Variants in ATRNL1 observed in about 807,000 individuals in gnomAD.
The protein encoded by ATRNL1 is attractin like 1.
ATRNL1 carries 95 observed loss-of-function variants against 182.7 expected under a neutral mutation model. That is an observed-to-expected ratio of 0.52 (90% confidence interval 0.44 to 0.62). The LOEUF is 0.62. Among genes scored for constraint, ATRNL1 ranks in the 20% least tolerant of loss-of-function variants. The pLI is 0.00. For missense variants in ATRNL1, 1,471 were observed against 1,679.5 expected, an observed-to-expected ratio of 0.88 and a Z score of 2.17; for synonymous variants, 576 against 568.3, an observed-to-expected ratio of 1.01 and a Z score of -0.19.
At chr10:115,392,307 C>T (rs1366786746) in intron 19 of ATRNL1, among the ~76,000 whole-genome samples, 2 of 151,996 alleles carry the variant, frequency 1.3e-5, no homozygotes, top group African/African-American at 4.8e-5. Context: ...CAGTAGTTTT[C>T]TCTGTCACTG....
intron 28 of ATRNL1, among the ~76,000 whole-genome samples, chr10:115,875,400 C>A (rs1003093591): frequency 1.3e-5 from 2 of 151,992 alleles, no homozygotes; most frequent in African/African-American, 4.8e-5. Context: ...GAGGGACTGG[C>A]CAGATCAGAT....
At chr10:115,176,080 A>T (rs923637600) in intron 8 of ATRNL1, among the ~76,000 whole-genome samples, 1 of 152,060 alleles carries the variant, frequency 6.6e-6, no homozygotes, top group Non-Finnish European at 1.5e-5. Context: ...GCATTTCTTC[A>T]TGTGTTTGTT....
At chr10:115,875,672 A>G (rs1195606312) in intron 28 of ATRNL1, among the ~76,000 whole-genome samples, 1 of 152,212 alleles carries the variant, frequency 6.6e-6, no homozygotes, top group Non-Finnish European at 1.5e-5. Context: ...ACTTGTATGT[A>G]TTGAGCACTT....
chr10:115,209,277 A>G (rs1205189182), intron 8 of ATRNL1, among the ~76,000 whole-genome samples: 1 of 151,622 alleles, frequency 6.6e-6, no homozygotes, highest in Non-Finnish European at 1.5e-5. Flanking sequence ...TGTCATGGCC[A>G]GGGTATTGCC....
chr10:115,673,750 G>A (rs1239136113), intron 26 of ATRNL1, among the ~76,000 whole-genome samples: 1 of 152,000 alleles, frequency 6.6e-6, no homozygotes, highest in African/African-American at 2.4e-5. Context: ...CCATAAACAG[G>A]TAGTCTTATT....
At chr10:115,672,204 A>G (rs996450239) in intron 26 of ATRNL1, among the ~76,000 whole-genome samples, 2 of 152,100 alleles carry the variant, frequency 1.3e-5, no homozygotes, top group African/African-American at 4.8e-5. Flanking sequence ...TAACCCTAAC[A>G]GTAACTTGAA....
chr10:115,522,480 A>T (rs573298277), intron 25 of ATRNL1, among the ~76,000 whole-genome samples: 1 of 152,272 alleles, frequency 6.6e-6, no homozygotes, highest in South Asian at 2.1e-4. Flanking sequence ...TGCCCCTGCA[A>T]CTCAAACACC....
intron 26 of ATRNL1, among the ~76,000 whole-genome samples, chr10:115,721,195 A>G (rs1947412512): frequency 6.6e-6 from 1 of 152,066 alleles, no homozygotes; most frequent in African/African-American, 2.4e-5. Flanking sequence ...TGGTCATATG[A>G]ATTATATAAT....
chr10:115,564,748 T>C (rs1267273883), intron 26 of ATRNL1, among the ~76,000 whole-genome samples: 1 of 151,966 alleles, frequency 6.6e-6, no homozygotes, highest in Non-Finnish European at 1.5e-5. Context: ...AGGGCTTTTT[T>C]GTGTGTGTAT....
intron 20 of ATRNL1, among the ~76,000 whole-genome samples, chr10:115,397,271 C>T (rs1294161802): frequency 2.0e-5 from 3 of 151,816 alleles, no homozygotes; most frequent in Non-Finnish European, 4.4e-5. Flanking sequence ...AAGACACTGA[C>T]CAAAATACAG....
intron 27 of ATRNL1, among the ~76,000 whole-genome samples, chr10:115,729,041 A>G (rs1232364381): frequency 6.6e-6 from 1 of 152,218 alleles, no homozygotes; most frequent in East Asian, 1.9e-4. Context: ...AAAAAATGTA[A>G]GTAATGCACA....
intron 26 of ATRNL1, among the ~76,000 whole-genome samples, chr10:115,580,728 A>G (rs1485193195): frequency 1.3e-5 from 2 of 151,242 alleles, no homozygotes; most frequent in Non-Finnish European, 2.9e-5. Context: ...AATGTATGTA[A>G]TTGTTACCCA....
intron 26 of ATRNL1, among the ~76,000 whole-genome samples, chr10:115,552,528 A>G (rs1853052119): frequency 6.6e-6 from 1 of 151,416 alleles, no homozygotes; most frequent in African/African-American, 2.4e-5. Context: ...AAATGTAATG[A>G]AAGTTTAAAA....
At chr10:115,476,816 C>G (rs1554973218) in intron 24 of ATRNL1, among the ~76,000 whole-genome samples, 1 of 151,306 alleles carries the variant, frequency 6.6e-6, no homozygotes, top group Non-Finnish European at 1.5e-5. Flanking sequence ...ATAACCTCCC[C>G]TTATACCTAA....
At chr10:115,738,391 C>T (rs989689669) in intron 27 of ATRNL1, among the ~76,000 whole-genome samples, 15 of 151,822 alleles carry the variant, frequency 9.9e-5, no homozygotes, top group Admixed American at 4.6e-4. Flanking sequence ...CCACCTGCCT[C>T]GACCTCCCAA....
chr10:115,510,709 C>A (rs1850343989), intron 24 of ATRNL1, among the ~76,000 whole-genome samples: 1 of 152,020 alleles, frequency 6.6e-6, no homozygotes, highest in African/African-American at 2.4e-5. Flanking sequence ...ACATCTCCAA[C>A]ATATGCCTGT....
chr10:115,590,415 A>C (rs868941861), intron 26 of ATRNL1, among the ~76,000 whole-genome samples: 1 of 152,110 alleles, frequency 6.6e-6, no homozygotes, highest in East Asian at 1.9e-4. Context: ...CCTTTGGTAC[A>C]TATTTAATAT....
intron 8 of ATRNL1, among the ~76,000 whole-genome samples, chr10:115,202,520 A>C (rs1428877632): frequency 2.6e-5 from 4 of 152,202 alleles, no homozygotes; most frequent in African/African-American, 9.6e-5. Context: ...TTCTGTTTAC[A>C]TGATGGATTA....
rs1953872298 is a variant in ATRNL1 at position 115,946,148 on chromosome 10, A to T, written c.*1369A>T. On this transcript the variant is annotated 3_prime_UTR_variant, in exon 29 of 29. Coordinates refer to ENST00000355044, the MANE Select transcript of ATRNL1 (RefSeq NM_207303.4). ...GAAATCTCCAAAGCTGCTGTATATG[A>T]TATAGCTTTGTTAAATATGAAGGTC... 6.6e-6 allele frequency: 1 copy of T among 152,222 alleles called. No individual in the cohort carries two copies. The highest frequency in any genetic ancestry group is 1.5e-5 in the Non-Finnish European group (1 of 68,044). 9.4% of individuals were successfully genotyped at this position (152,222 alleles called of 1,614,324 possible). A position where few individuals can be genotyped will look rare whatever the true frequency, so the allele number is the denominator to read the frequency against.
Sources: gnomAD v4.1 joint callset for allele counts (sites outside exome capture counted in the v4.1 genomes callset) on GRCh38, gnomAD v4.1.1 for gene constraint, MANE v1.5 for transcripts, NCBI Gene and HGNC (gene_info 2026-07-23, HGNC 2026-07-21) for gene names.